Variants in STAG3 observed in about 807,000 individuals in gnomAD.
STAG3 encodes the protein STAG3 cohesin complex component.
Under a neutral mutation model 160.7 loss-of-function variants are expected in STAG3, and 101 were observed. The observed-to-expected ratio is 0.63, with a 90% confidence interval of 0.54 to 0.74. The LOEUF is 0.74. Among genes scored for constraint, STAG3 ranks in the 30% least tolerant of loss-of-function variants. STAG3 has a pLI of 0.00. For missense variants in STAG3, 1,188 were observed against 1,517.4 expected, an observed-to-expected ratio of 0.78 and a Z score of 3.61; for synonymous variants, 519 against 585.0, an observed-to-expected ratio of 0.89 and a Z score of 1.63.
chr7:100,198,176 G>T lies in STAG3; in HGVS notation c.1244+10G>T. On this transcript the variant is annotated intron_variant, in intron 12 of 33. Transcript: ENST00000615138. ...TGATACTTATCCTTAAGTGAGTCCT[G>T]GGAAGAGGGGAGGCCAGTGTCTCAG... 1 of 1,613,014 alleles carries T rather than the reference G, an allele frequency of 6.2e-7. No homozygotes were observed. The highest frequency in any genetic ancestry group is 1.1e-5 in the South Asian group (1 of 91,062).
chr7:100,217,523 A>C (rs1236002747), downstream of STAG3, among the ~76,000 whole-genome samples: 1 of 77,072 alleles, frequency 1.3e-5, no homozygotes, highest in Admixed American at 9.8e-5. Flanking sequence ...AAATGAAGAC[A>C]CAAGACAAAG....
At chr7:100,198,339 T>C (rs1304749777) in intron 12 of STAG3, 136 bp from the exon 13 acceptor site, 12 of 1,148,744 alleles carry the variant, frequency 1.0e-5, no homozygotes, top group Non-Finnish European at 1.6e-5. Flanking sequence ...CCCATACTCC[T>C]TTGTCTTCCG....
In STAG3 at chr7:100,213,343, T is replaced by C. The variant is rs1054317015; in HGVS notation, c.3601-392T>C. The C allele has an allele frequency of 3.0e-6, 3 of 985,308 alleles. No homozygotes were observed. In the African/African-American group the frequency reaches 5.2e-5, roughly 17 times the overall value. The allele number at this position is 985,308 out of a possible 1,614,324, so 61.0% of individuals were successfully genotyped here. ...TGCGTATCTTCTGCTGTTATTCTTCTGTTCTCTTCTCTGCAGGGAAGGAAA... is the reference window on the plus strand; with the variant it reads ...TGCGTATCTTCTGCTGTTATTCTTCCGTTCTCTTCTCTGCAGGGAAGGAAA... On this transcript the variant is annotated intron_variant, in intron 32 of 33. Coordinates refer to ENST00000615138, the MANE Select transcript of STAG3 (RefSeq NM_001282717.2).
chr7:100,201,301 T>C lies in STAG3; in HGVS notation c.2170T>C (p.Cys724Arg), dbSNP rs757570450. Residue 724 changes from cysteine (C) to arginine (R), a missense_variant, in exon 21 of 34, where the codon TGT (cysteine) becomes CGT (arginine). Cys to Arg is a radical substitution (Grantham distance 180). This residue lies in a region of STAG3 where 647 missense variants were observed against 717.2 expected (regional missense o/e 0.90). Coordinates refer to ENST00000615138, the MANE Select transcript of STAG3 (RefSeq NM_001282717.2). ...GACTCGCTGGGAGCTCTATGAGCCATGTTGCCAACTCCTGCAGAAGGCTGT... is the reference window on the plus strand; with the variant it reads ...GACTCGCTGGGAGCTCTATGAGCCACGTTGCCAACTCCTGCAGAAGGCTGT... ...DLTRWELYEP[C>R]CQLLQKAVDT... 1 of 1,614,122 alleles carries C rather than the reference T, an allele frequency of 6.2e-7. No individual in the cohort carries two copies. The highest frequency in any genetic ancestry group is 2.2e-5 in the East Asian group (1 of 44,880).
intron 8 of STAG3, among the ~76,000 whole-genome samples, chr7:100,193,387 T>C (rs1234054440): frequency 1.3e-5 from 2 of 152,222 alleles, no homozygotes; most frequent in Non-Finnish European, 1.5e-5. Flanking sequence ...AAGCCAGGCA[T>C]TGACTTCTCC....
At chr7:100,182,575 A>C (rs1799716792) in intron 3 of STAG3, 148 bp from the exon 4 acceptor site, 1 of 828,972 alleles carries the variant, frequency 1.2e-6, no homozygotes, top group Non-Finnish European at 1.9e-6. Flanking sequence ...TATAAAAATC[A>C]ATTATTTCAG....
Position 100,202,161 on chromosome 7 carries a change from T to C in STAG3, c.2395-11T>C, listed in dbSNP as rs201982714. 4.4e-4 allele frequency: 715 copies of C among 1,609,720 alleles called. 6 individuals are homozygous for C. In the African/African-American group the frequency reaches 8.9e-3, roughly 20 times the overall value. On this transcript the variant is annotated splice_polypyrimidine_tract_variant and intron_variant, in intron 23 of 33. Transcript: ENST00000615138. ...CTGTCCTTTTAAACATCCTTTCTTT[T>C]CCCCCTACAGGCTTTTGTCTTATTA...
intron 29 of STAG3, among the ~76,000 whole-genome samples, chr7:100,208,316 G>A (rs1801853376): frequency 6.6e-6 from 1 of 152,112 alleles, no homozygotes; most frequent in African/African-American, 2.4e-5. Context: ...CCTACTATAT[G>A]AAAGATACTA....
At chr7:100,206,880 T>C (rs971786037) in intron 29 of STAG3, among the ~76,000 whole-genome samples, 1 of 152,210 alleles carries the variant, frequency 6.6e-6, no homozygotes, top group African/African-American at 2.4e-5. Context: ...CACATACCCA[T>C]TCGCAGTCTC....
At chr7:100,204,214 A>G (rs1801419862) in intron 26 of STAG3, 92 bp downstream of exon 26, 1 of 980,442 alleles carries the variant, frequency 1.0e-6, no homozygotes, top group South Asian at 1.4e-5. Flanking sequence ...CCTTCAGAGC[A>G]GTAACTTTTC....
rs769486998 is a variant in STAG3, at chr7:100,204,662, G to A, written c.2838G>A (p.Gln946=). ...YTELLQEHGP[Q]GLNELPAFIE... ...AACTGCTGCAGGAGCATGGGCCCCA[G>A]GGCCTGAATGAGCTTCCTGCCTTCA... Residue 946 remains glutamine, a synonymous_variant, in exon 27 of 34, where the codon CAG becomes CAA. Transcript: ENST00000615138. The A allele has an allele frequency of 6.2e-7, 1 of 1,614,170 alleles. No individual in the cohort carries two copies. Among genetic ancestry groups the A allele is most frequent in the Non-Finnish European group, 8.5e-7 (1 of 1,180,030 alleles).
chr7:100,215,679 T>C (rs1039929789), downstream of STAG3, among the ~76,000 whole-genome samples: 1 of 152,154 alleles, frequency 6.6e-6, no homozygotes, highest in Non-Finnish European at 1.5e-5. Flanking sequence ...GACACCTGTG[T>C]ACAGCCAGGC....
intron 31 of STAG3, 83 bp from the exon 32 acceptor site, chr7:100,211,712 T>G (rs1389995665): frequency 6.7e-7 from 1 of 1,501,598 alleles, no homozygotes; most frequent in Admixed American, 1.7e-5. Context: ...TGCTCCCCAC[T>G]TCCCCCACCC....
chr7:100,191,904 T>C (rs2117187201), intron 8 of STAG3, among the ~76,000 whole-genome samples: 1 of 152,348 alleles, frequency 6.6e-6, no homozygotes, highest in South Asian at 2.1e-4. Flanking sequence ...ATTTAGGTAA[T>C]AGTCTGAATC....
intron 1 of STAG3, 133 bp from the exon 2 acceptor site, chr7:100,180,359 CT>C: frequency 1.9e-6 from 1 of 520,990 alleles, no homozygotes; most frequent in Non-Finnish European, 3.5e-6. Context: ...GGTGCCCAGC[CT>C]TTGTCTTAGT....
intron 26 of STAG3, 149 bp from the exon 27 acceptor site, chr7:100,204,478 C>A: frequency 1.1e-6 from 1 of 922,754 alleles, no homozygotes; most frequent in South Asian, 1.8e-5. Flanking sequence ...GCAGGGGTAT[C>A]GGGAGTTCCC....
intron 32 of STAG3, chr7:100,212,753 T>TG (rs1802361709): frequency 6.6e-6 from 1 of 152,108 alleles, no homozygotes; most frequent in African/African-American, 2.4e-5. Flanking sequence ...AGCCACTGCG[T>TG]GGGGCCCATT....
chr7:100,188,401 C>T, intron 5 of STAG3, 52 bp from the exon 6 acceptor site: 1 of 1,202,320 alleles, frequency 8.3e-7, no homozygotes, highest in Admixed American at 1.7e-5. Context: ...TGTAAATGAT[C>T]AAAGCATCCT....
chr7:100,205,317 C>T lies in STAG3; in HGVS notation c.3171C>T (p.Ser1057=), dbSNP rs1373107472. 1.7e-5 allele frequency: 27 copies of T among 1,614,096 alleles called. No homozygotes were observed. Among genetic ancestry groups the T allele is most frequent in the Non-Finnish European group, 2.2e-5 (26 of 1,180,052 alleles). ...GPVTTYCHSL[S]PVENTAETSP... is the part of the protein sequence containing the mutation. ...TCACCACCTACTGCCACTCCCTCAG[C>T]CCTGTGGAGAACACAGCAGAGACCA... The change falls in exon 29 of 34, where the codon AGC becomes AGT. Residue 1057 remains serine (S), a synonymous_variant. Coordinates refer to ENST00000615138, the MANE Select transcript of STAG3 (RefSeq NM_001282717.2).
Sources: gnomAD v4.1 joint callset for allele counts (sites outside exome capture counted in the v4.1 genomes callset) on GRCh38, gnomAD v4.1.1 for gene constraint, gnomAD v4.1.1 regional missense constraint, MANE v1.5 for transcripts, NCBI Gene and HGNC (gene_info 2026-07-23, HGNC 2026-07-21) for gene names.